Variants in SLC2A9 observed in about 807,000 individuals in gnomAD.
SLC2A9 encodes the protein solute carrier family 2, facilitated glucose transporter member 9.
A neutral mutation model predicts 50.6 loss-of-function variants in SLC2A9; 39 were observed. That is an observed-to-expected ratio of 0.77 (90% confidence interval 0.60 to 1.01). The LOEUF is 1.01. Among genes scored for constraint, SLC2A9 ranks in the 50% least tolerant of loss-of-function variants. The probability of loss-of-function intolerance (pLI) is 0.00; values close to 1 mark genes in which losing one functional copy is unlikely to be tolerated. For missense variants in SLC2A9, 686 were observed against 677.6 expected, an observed-to-expected ratio of 1.01 and a Z score of -0.14; for synonymous variants, 324 against 276.9, an observed-to-expected ratio of 1.17 and a Z score of -1.69.
intron 2 of SLC2A9, among the ~76,000 whole-genome samples, chr4:9,999,076 C>CT (rs34545348): frequency 0.77 from 110,814 of 143,260 alleles, 42,876 homozygotes; most frequent in East Asian, 0.97. Context: ...GTAGGTCCTT[C>CT]TTTTTTTTTT....
intron 3 of SLC2A9, among the ~76,000 whole-genome samples, chr4:9,986,105 A>T (rs1469411447): frequency 6.6e-6 from 1 of 152,140 alleles, no homozygotes; most frequent in East Asian, 1.9e-4. Flanking sequence ...TTCGTGAGTC[A>T]GGGTCCAGGC....
intron 6 of SLC2A9, among the ~76,000 whole-genome samples, chr4:9,936,801 T>C (rs1354886024): frequency 6.6e-6 from 1 of 152,150 alleles, no homozygotes; most frequent in African/African-American, 2.4e-5. Context: ...CCCACCACCC[T>C]GAAATCTTTG....
At chr4:9,785,983 T>A (rs1719172279) in intron 3 of SLC2A9, among the ~76,000 whole-genome samples, 1 of 152,186 alleles carries the variant, frequency 6.6e-6, no homozygotes, top group Non-Finnish European at 1.5e-5. Flanking sequence ...AAGTAAGGGT[T>A]GGAGGGCTGC....
intron 6 of SLC2A9, among the ~76,000 whole-genome samples, chr4:9,938,314 C>T (rs927704823): frequency 3.4e-5 from 5 of 148,452 alleles, no homozygotes; most frequent in Non-Finnish European, 7.4e-5. Flanking sequence ...CTCTGTTGCC[C>T]AGGCTGGAGT....
chr4:10,023,301 C>T (rs549432903), upstream of SLC2A9, among the ~76,000 whole-genome samples: 26 of 152,296 alleles, frequency 1.7e-4, no homozygotes, highest in African/African-American at 5.8e-4. Flanking sequence ...AGAGGAGGGG[C>T]AGGGACAGCT....
intron 7 of SLC2A9, among the ~76,000 whole-genome samples, chr4:9,908,943 G>C (rs185776260): frequency 7.9e-5 from 12 of 152,260 alleles, no homozygotes; most frequent in African/African-American, 2.6e-4. Context: ...GGAGGTGATG[G>C]CTGGAGCCTC....
intron 5 of SLC2A9, 125 bp downstream of exon 5, chr4:9,980,467 A>G (rs1004281851): frequency 2.3e-6 from 3 of 1,294,860 alleles, no homozygotes; most frequent in Non-Finnish European, 3.3e-6. Context: ...TTCTCCAATA[A>G]TAAGTAAGAG....
chr4:9,934,422 T>A (rs1269136097), intron 6 of SLC2A9, among the ~76,000 whole-genome samples: 1 of 152,220 alleles, frequency 6.6e-6, no homozygotes, highest in Non-Finnish European at 1.5e-5. Flanking sequence ...CTGCTTCTTG[T>A]GTCCCAAAAC....
intron 5 of SLC2A9, among the ~76,000 whole-genome samples, chr4:9,947,928 C>A (rs114592558): frequency 1.3e-5 from 2 of 152,144 alleles, no homozygotes; most frequent in Admixed American, 1.3e-4. Context: ...TCCTGCATGG[C>A]GTGGTATGTC....
In SLC2A9 at chr4:9,807,918, G is replaced by A. The variant is rs77326183; in HGVS notation, n.421-8677C>T. 5.9e-3 allele frequency among the ~76,000 whole-genome samples: 905 copies of A among 152,310 alleles called. 31 individuals are homozygous for A. The East Asian group carries it at 0.081, about 14-fold the overall frequency. On this transcript the variant is annotated intron_variant and non_coding_transcript_variant, in intron 3 of 3. Transcript: ENST00000503280. ...AAGTGAAGGTGGACGACATGGTTTC[G>A]GCGAGCCCCCTGAAATAGTTGGCCC... is the stretch of plus-strand genomic sequence containing the variant.
downstream of SLC2A9, among the ~76,000 whole-genome samples, chr4:9,797,749 G>A (rs1166090045): frequency 1.3e-5 from 2 of 152,174 alleles, no homozygotes; most frequent in Non-Finnish European, 2.9e-5. Context: ...TGTGTTGCCT[G>A]TCCACAGCAC....
chr4:9,858,186 A>G (rs1731029505), intron 10 of SLC2A9, among the ~76,000 whole-genome samples: 1 of 152,212 alleles, frequency 6.6e-6, no homozygotes, highest in South Asian at 2.1e-4. Flanking sequence ...CTGAGTAGAA[A>G]GAGGGGAGGT....
At chr4:9,780,820 G>C (rs764403403) in intron 3 of SLC2A9, among the ~76,000 whole-genome samples, 1 of 152,024 alleles carries the variant, frequency 6.6e-6, no homozygotes, top group Non-Finnish European at 1.5e-5. Flanking sequence ...TTTGGGCCCC[G>C]TCAGTTCCTT....
intron 8 of SLC2A9, among the ~76,000 whole-genome samples, chr4:9,903,259 GA>G (rs1387733523): frequency 7.1e-6 from 1 of 140,726 alleles, no homozygotes; most frequent in Admixed American, 7.0e-5. Flanking sequence ...AAACCATAAG[GA>G]TTTTTTTTTT....
chr4:9,955,523 C>G (rs1177273122), intron 5 of SLC2A9, among the ~76,000 whole-genome samples: 1 of 149,042 alleles, frequency 6.7e-6, no homozygotes, highest in African/African-American at 2.4e-5. Flanking sequence ...AAAAAAACTC[C>G]AAGTCAAAGT....
At chr4:9,854,032 C>A (rs1730362418) in intron 10 of SLC2A9, among the ~76,000 whole-genome samples, 1 of 151,924 alleles carries the variant, frequency 6.6e-6, no homozygotes, top group South Asian at 2.1e-4. Context: ...TAAATGCCCA[C>A]ATCAAAAAGT....
chr4:10,030,431 A>G (rs1303354701), intron 1 of SLC2A9, among the ~76,000 whole-genome samples: 1 of 152,240 alleles, frequency 6.6e-6, no homozygotes, highest in East Asian at 1.9e-4. Context: ...CACAGAATGT[A>G]CAATACCAAG....
chr4:9,860,270 C>A (rs1403972644), intron 10 of SLC2A9, among the ~76,000 whole-genome samples: 2 of 152,198 alleles, frequency 1.3e-5, no homozygotes, highest in East Asian at 1.9e-4. Flanking sequence ...CTGTTGGGGT[C>A]TTCCTCTGTT....
At chr4:9,784,910 C>T (rs1212889008) in intron 3 of SLC2A9, among the ~76,000 whole-genome samples, 1 of 152,360 alleles carries the variant, frequency 6.6e-6, no homozygotes, top group South Asian at 2.1e-4. Context: ...ATCTTGATCA[C>T]TGCAAAATGT....
Sources: gnomAD v4.1 joint callset for allele counts (sites outside exome capture counted in the v4.1 genomes callset) on GRCh38, gnomAD v4.1.1 for gene constraint, MANE v1.5 for transcripts, NCBI Gene and HGNC (gene_info 2026-07-23, HGNC 2026-07-21) for gene names.